TMCC2: variants seen among roughly 807,000 people sequenced by gnomAD.
TMCC2 encodes the protein transmembrane and coiled-coil domains protein 2.
In TMCC2, 16 loss-of-function variants were observed where a neutral mutation model predicts 49.4. The ratio of observed to expected loss-of-function variants is 0.32; its 90% CI spans 0.22 to 0.49. The LOEUF is 0.49. Ranked by LOEUF, TMCC2 falls within the 20% of genes least tolerant of loss-of-function variation. TMCC2 has a pLI of 0.99. For missense variants in TMCC2, 762 were observed against 989.8 expected, an observed-to-expected ratio of 0.77 and a Z score of 3.09; for synonymous variants, 397 against 434.1, an observed-to-expected ratio of 0.91 and a Z score of 1.06.
intron 2 of TMCC2, among the ~76,000 whole-genome samples, chr1:205,247,862 CA>C (rs1294362774): frequency 6.8e-6 from 1 of 146,840 alleles, no homozygotes; most frequent in Non-Finnish European, 1.5e-5. Context: ...GTTACCGAAA[CA>C]CCCTGGAGGC....
At chr1:205,260,127 C>T (rs1050225351) in intron 2 of TMCC2, among the ~76,000 whole-genome samples, 7 of 152,186 alleles carry the variant, frequency 4.6e-5, no homozygotes, top group Non-Finnish European at 8.8e-5. Context: ...TTGCCCAGCC[C>T]ATTCACAAGG....
chr1:205,230,393 C>G (rs1157303087), intron 1 of TMCC2, among the ~76,000 whole-genome samples: 2 of 152,172 alleles, frequency 1.3e-5, no homozygotes, highest in Admixed American at 1.3e-4. Context: ...GAAGCTTGAG[C>G]TTTTGCCAGG....
intron 1 of TMCC2, among the ~76,000 whole-genome samples, chr1:205,235,278 C>G (rs888588584): frequency 1.3e-5 from 2 of 151,722 alleles, no homozygotes. Flanking sequence ...ATGTGGCAAA[C>G]GAAACTCCCT....
At chr1:205,229,565 C>CG (rs1659708292) in intron 1 of TMCC2, 3 of 481,460 alleles carry the variant, frequency 6.2e-6, no homozygotes, top group Non-Finnish European at 6.8e-6. Flanking sequence ...GGGGTGGTGG[C>CG]GGGGGCGGGG....
chr1:205,257,984 A>T (rs2102585125), intron 2 of TMCC2, among the ~76,000 whole-genome samples: 1 of 152,300 alleles, frequency 6.6e-6, no homozygotes, highest in Admixed American at 6.5e-5. Flanking sequence ...GGGAGGATGT[A>T]GTTTTCATCA....
In TMCC2 at chr1:205,256,983, T is replaced by G. The variant is rs565840740; in HGVS notation, c.748-11967T>G. ...CCCCTTTGCCCCCCACCCCCACCCC[T>G]CCTCATTGATGCCTGTCACACCTGG... On this transcript the variant is annotated intron_variant, in intron 2 of 4. Coordinates refer to ENST00000358024, the MANE Select transcript of TMCC2 (RefSeq NM_014858.4). Among the ~76,000 whole-genome samples the G allele has an allele frequency of 1.7e-3, 68 of 40,340 alleles. No individual in the cohort carries two copies. In the South Asian group the frequency reaches 0.018, roughly 11 times the overall value. 26.5% of individuals were successfully genotyped at this position (40,340 alleles called of 152,430 possible).
chr1:205,246,095 TG>T (rs1266085148), intron 2 of TMCC2, among the ~76,000 whole-genome samples: 1 of 151,876 alleles, frequency 6.6e-6, no homozygotes, highest in Non-Finnish European at 1.5e-5. Context: ...TGAACTACTC[TG>T]GGGGTGGGGC....
At chr1:205,270,978 G>A in intron 3 of TMCC2, 142 bp from the exon 4 acceptor site, 1 of 1,161,874 alleles carries the variant, frequency 8.6e-7, no homozygotes, top group Non-Finnish European at 1.2e-6. Flanking sequence ...TATTGTTGTT[G>A]CTGTTAAAAT....
rs186126545 is a variant in TMCC2 at position 205,234,901 on chromosome 1, C to T, written c.207+6130C>T. ...CTGAAACTCCTGACCTCAGGTGATC[C>T]ACTCTCCTCGGCCTCCCAAAGTGCT... On this transcript the variant is annotated intron_variant, in intron 1 of 4. Coordinates refer to ENST00000358024, the MANE Select transcript of TMCC2 (RefSeq NM_014858.4). Among the ~76,000 whole-genome samples the T allele has an allele frequency of 1.4e-4, 22 of 152,146 alleles. No homozygotes were observed. The East Asian group carries it at 4.3e-3, about 29-fold the overall frequency.
At chr1:205,231,152 A>T (rs1217907367) in intron 1 of TMCC2, among the ~76,000 whole-genome samples, 10 of 151,974 alleles carry the variant, frequency 6.6e-5, no homozygotes. Context: ...CAACATGTTT[A>T]CTACCGGGTG....
chr1:205,250,946 G>A (rs1193675247), intron 2 of TMCC2, among the ~76,000 whole-genome samples: 5 of 152,110 alleles, frequency 3.3e-5, no homozygotes, highest in African/African-American at 1.2e-4. Flanking sequence ...AGGTCTCCCC[G>A]GCTACCCAGC....
chr1:205,229,899 G>C, intron 1 of TMCC2: 1 of 985,440 alleles, frequency 1.0e-6, no homozygotes, highest in Non-Finnish European at 1.2e-6. Context: ...CTGCCACAGG[G>C]ACTGCAGGCT....
At chr1:205,246,491 G>A in intron 2 of TMCC2, 2 of 1,451,028 alleles carry the variant, frequency 1.4e-6, no homozygotes, top group Non-Finnish European at 1.8e-6. Context: ...TTAAAATGAT[G>A]GGACTGAACC....
chr1:205,271,948 G>A lies in TMCC2; in HGVS notation c.1954G>A (p.Ala652Thr). ...LLGKFINVILALMAVLLVFVS... is the reference protein window; with the variant it reads ...LLGKFINVILTLMAVLLVFVS... ...GGGCAAGTTCATCAACGTGATCCTG[G>A]CGCTCATGGCCGTGCTGCTGGTGTT... The change falls in exon 5 of 5, where the codon GCG (alanine) becomes ACG (threonine). Residue 652 changes from alanine to threonine, a missense_variant. Physicochemically the swap from Ala to Thr is moderately conservative, Grantham distance 58. Transcript: ENST00000358024. 6.2e-7 allele frequency: 1 copy of A among 1,614,198 alleles called. No individual in the cohort carries two copies. The highest frequency in any genetic ancestry group is 8.5e-7 in the Non-Finnish European group (1 of 1,180,026).
intron 2 of TMCC2, among the ~76,000 whole-genome samples, chr1:205,249,553 A>G (rs113180667): frequency 0.013 from 1,974 of 152,322 alleles, 41 homozygotes; most frequent in African/African-American, 0.045. Flanking sequence ...CTTGTAGGCC[A>G]GGTTGCATGG....
At chr1:205,248,000 CA>C (rs1468003928) in intron 2 of TMCC2, among the ~76,000 whole-genome samples, 2 of 152,232 alleles carry the variant, frequency 1.3e-5, no homozygotes, top group Non-Finnish European at 2.9e-5. Flanking sequence ...TCCAGGGAAG[CA>C]GCTCAGCCTT....
rs755790482 is a variant in TMCC2, at chr1:205,241,908, A to T, written c.611A>T (p.Asp204Val). ...SPHLLRKAPQ[D>V]SSLAAILHQH... ...CACCTGCTGCGCAAGGCCCCCCAGG[A>T]CAGCAGCCTGGCCGCCATCCTGCAC... Residue 204 changes from aspartate to valine, a missense_variant, in exon 2 of 5, where the codon GAC (aspartate) becomes GTC (valine). Coordinates refer to ENST00000358024, the MANE Select transcript of TMCC2 (RefSeq NM_014858.4). This position sits in a 1 kb window ranked among gnomAD's most constrained non-coding sequence, Gnocchi z 7.3. 1 of 1,609,948 alleles carries T rather than the reference A, an allele frequency of 6.2e-7. No homozygotes were observed.
At chr1:205,254,544 G>A (rs1558651350) in intron 2 of TMCC2, among the ~76,000 whole-genome samples, 1 of 152,248 alleles carries the variant, frequency 6.6e-6, no homozygotes, top group Non-Finnish European at 1.5e-5. Flanking sequence ...TTGCCTGGCA[G>A]ACATCTCCCT....
At chr1:205,257,228 C>T in intron 2 of TMCC2, 1 of 1,232,420 alleles carries the variant, frequency 8.1e-7, no homozygotes, top group Non-Finnish European at 1.0e-6. Context: ...AGTCTGGGAA[C>T]TCAGGCACAC....
Sources: gnomAD v4.1 joint callset for allele counts (sites outside exome capture counted in the v4.1 genomes callset) on GRCh38, gnomAD v4.1.1 for gene constraint, Gnocchi (gnomAD v3.1) non-coding constraint, MANE v1.5 for transcripts, NCBI Gene and HGNC (gene_info 2026-07-23, HGNC 2026-07-21) for gene names.